SLC49A3: variants seen among roughly 807,000 people sequenced by gnomAD.
The protein encoded by SLC49A3 is solute carrier family 49 member A3.
A neutral mutation model predicts 43.8 loss-of-function variants in SLC49A3; 50 were observed. That is an observed-to-expected ratio of 1.14 (90% CI 0.91 to 1.45). The LOEUF (loss-of-function observed/expected upper bound fraction) is 1.45, where lower values mean the gene tolerates loss of function less well. Ranked by LOEUF, SLC49A3 falls within the 40% of genes most tolerant of loss-of-function variation. The pLI, the probability that SLC49A3 is intolerant of heterozygous loss-of-function variation, is 0.00. For missense variants in SLC49A3, 906 were observed against 774.1 expected, an observed-to-expected ratio of 1.17 and a Z score of -2.02; for synonymous variants, 413 against 352.0, an observed-to-expected ratio of 1.17 and a Z score of -1.94.
chr4:684,236 A>C (rs987300924), intron 6 of SLC49A3, among the ~76,000 whole-genome samples: 1 of 151,902 alleles, frequency 6.6e-6, no homozygotes, highest in Non-Finnish European at 1.5e-5. Context: ...CTTCCCATCC[A>C]CAGGGCACCG....
downstream of SLC49A3, chr4:681,206 G>A: frequency 6.5e-7 from 1 of 1,547,960 alleles, no homozygotes; most frequent in Non-Finnish European, 8.7e-7. Flanking sequence ...TCAGCTGGGT[G>A]GAGGGGGACG....
downstream of SLC49A3, chr4:678,268 A>G: frequency 2.1e-6 from 3 of 1,463,362 alleles, no homozygotes; most frequent in Non-Finnish European, 2.7e-6. Context: ...TCTCCTGGTG[A>G]GAGTCCGGAG....
chr4:678,621 C>T, downstream of SLC49A3: 1 of 1,576,824 alleles, frequency 6.3e-7, no homozygotes, highest in Non-Finnish European at 8.6e-7. Flanking sequence ...TTTCGTCAGC[C>T]AGCCCAGGAC....
Position 683,168 on chromosome 4 carries a change from G to A in SLC49A3, c.1151+42C>T, listed in dbSNP as rs376196229. ...CCAGGGGTGTAGGGGTGGAGCAAGGGGAGTATCTCTGGGGTTGCAGCAGGG... is the reference window on the plus strand; with the variant it reads ...CCAGGGGTGTAGGGGTGGAGCAAGGAGAGTATCTCTGGGGTTGCAGCAGGG... On this transcript the variant is annotated intron_variant, in intron 8 of 9. Transcript: ENST00000322224. 2.3e-5 allele frequency: 37 copies of A among 1,611,172 alleles called. No homozygotes were observed. The African/African-American group carries it at 4.0e-4, about 17-fold the overall frequency.
chr4:684,020 G>C (rs528486955), intron 6 of SLC49A3, among the ~76,000 whole-genome samples: 92 of 152,322 alleles, frequency 6.0e-4, no homozygotes, highest in East Asian at 9.7e-4. Flanking sequence ...GGTGCCTGTG[G>C]CCCTGGCAAA....
At chr4:680,342 C>T (rs1352753469), downstream of SLC49A3, among the ~76,000 whole-genome samples, 1 of 152,192 alleles carries the variant, frequency 6.6e-6, no homozygotes, top group Non-Finnish European at 1.5e-5. Flanking sequence ...GACAAGGCCT[C>T]CTTGGGGCTC....
chr4:684,584 C>T lies in SLC49A3; in HGVS notation c.739G>A (p.Ala247Thr), dbSNP rs1441489705. ...AAGCACACAGCCAGGATGACATAGGCCTTGTTCCACATGAGCTGCTGGGAA... is the reference window on the plus strand; with the variant it reads ...AAGCACACAGCCAGGATGACATAGGTCTTGTTCCACATGAGCTGCTGGGAA... ...DGLKLLMWNK[A>T]YVILAVCLGG... is the part of the protein sequence containing the mutation. The change falls in exon 6 of 10, where the codon GCC becomes ACC. Residue 247 changes from alanine to threonine, a missense_variant. By Grantham distance (58) the Ala-to-Thr change is moderately conservative. Coordinates refer to ENST00000322224, the MANE Select transcript of SLC49A3 (RefSeq NM_032219.4). 2 of 1,612,974 alleles carry T rather than the reference C, an allele frequency of 1.2e-6. No homozygotes were observed. Among genetic ancestry groups the T allele is most frequent in the Non-Finnish European group, 1.7e-6 (2 of 1,179,898 alleles).
At chr4:681,737 G>A (rs1313520042), downstream of SLC49A3, 11 of 679,702 alleles carry the variant, frequency 1.6e-5, no homozygotes, top group African/African-American at 1.1e-4. Flanking sequence ...CCCCTCCAGC[G>A]CCGCCCCGCC....
downstream of SLC49A3, chr4:677,009 C>T (rs907234761): frequency 8.0e-5 from 69 of 864,160 alleles, no homozygotes; most frequent in Non-Finnish European, 8.9e-5. Context: ...GCAAGTGGCA[C>T]CTGTCTTTTT....
chr4:678,111 G>A (rs1430879123), downstream of SLC49A3: 81 of 1,587,972 alleles, frequency 5.1e-5, no homozygotes, highest in East Asian at 4.6e-5. Context: ...ACAGACGAGC[G>A]TGGGCGTGTC....
Position 682,142 on chromosome 4 carries a change from T to G in SLC49A3, c.1496A>C (p.Glu499Ala), listed in dbSNP as rs1739839430. 4.5e-6 allele frequency: 6 copies of G among 1,342,646 alleles called. No individual in the cohort carries two copies. The highest frequency in any genetic ancestry group is 4.8e-6 in the Non-Finnish European group (5 of 1,035,608). The allele number at this position is 1,342,646 out of a possible 1,614,324, so 83.2% of individuals were successfully genotyped here. A position where few individuals can be genotyped will look rare whatever the true frequency, so the allele number is the denominator to read the frequency against. Residue 499 changes from glutamate (E) to alanine (A), a missense_variant, in exon 10 of 10, where the codon GAG becomes GCG. Transcript: ENST00000322224. Reference sequence around the variant, plus strand: ...GGGGCTCCCGGGCCCTCTGGGGTCCTCTAGCGAGGCCCCCCTCGCCGTGCA... The same window carrying G: ...GGGGCTCCCGGGCCCTCTGGGGTCCGCTAGCGAGGCCCCCCTCGCCGTGCA... ...PECTARGASLEDPRGPGSPHP... is the reference protein window; with the variant it reads ...PECTARGASLADPRGPGSPHP...
rs367921144 is a variant in SLC49A3 at position 686,486 on chromosome 4, C to T, written c.294+46G>A. The T allele has an allele frequency of 2.6e-5, 41 of 1,596,938 alleles. No homozygotes were observed. The African/African-American group carries it at 4.1e-4, about 16-fold the overall frequency. Reference sequence around the variant, plus strand: ...TGACTCTCCTACCCAAATGCGGGGGCCCCTGCACTGTCCCGGAGCGGGCCA... The same window carrying T: ...TGACTCTCCTACCCAAATGCGGGGGTCCCTGCACTGTCCCGGAGCGGGCCA... On this transcript the variant is annotated intron_variant, in intron 2 of 9. Coordinates refer to ENST00000322224, the MANE Select transcript of SLC49A3 (RefSeq NM_032219.4).
At position 686,609 on chromosome 4, in the gene SLC49A3, G is replaced by C; in HGVS notation, c.217C>G (p.Leu73Val). The C allele has an allele frequency of 6.2e-7, 1 of 1,613,348 alleles. No individual in the cohort carries two copies. The highest frequency in any genetic ancestry group is 8.5e-7 in the Non-Finnish European group (1 of 1,179,952). ...GGGGTGGATACCACGAGGTAGACCAGTGACAGCCAGTTGATCTGCTCCATG... is the reference window on the plus strand; with the variant it reads ...GGGGTGGATACCACGAGGTAGACCACTGACAGCCAGTTGATCTGCTCCATG... ...LSMEQINWLS[L>V]VYLVVSTPFG... The change falls in exon 2 of 10, where the codon CTG becomes GTG. Residue 73 changes from leucine (L) to valine (V), a missense_variant. Physicochemically the swap from Leu to Val is conservative, Grantham distance 32. Coordinates refer to ENST00000322224, the MANE Select transcript of SLC49A3 (RefSeq NM_032219.4).
In SLC49A3 at chr4:688,350, C is replaced by T. The variant is rs548850279; in HGVS notation, c.135+643G>A. On this transcript the variant is annotated intron_variant, in intron 1 of 9. Transcript: ENST00000322224. ...AGCCCTGACCCAGGCCTGAGAGTGA[C>T]TCCTGCCCCTGCCCCCGAGCTTCCT... 6.9e-4 allele frequency among the ~76,000 whole-genome samples: 105 copies of T among 152,314 alleles called. 1 individual carries two copies. Among genetic ancestry groups the T allele is most frequent in the African/African-American group, 2.3e-3 (97 of 41,568 alleles).
intron 6 of SLC49A3, among the ~76,000 whole-genome samples, chr4:684,109 G>A (rs1346247922): frequency 2.6e-5 from 4 of 152,208 alleles, no homozygotes; most frequent in African/African-American, 9.6e-5. Flanking sequence ...GGAGATATGC[G>A]AGCAGAGCAA....
At chr4:683,146 G>T in intron 8 of SLC49A3, 64 bp downstream of exon 8, 1 of 1,588,378 alleles carries the variant, frequency 6.3e-7, no homozygotes, top group South Asian at 1.1e-5. Flanking sequence ...TGCAACCCCA[G>T]GGGTGTAGGG....
chr4:688,698 T>A (rs1395376691), intron 1 of SLC49A3, among the ~76,000 whole-genome samples: 1 of 152,012 alleles, frequency 6.6e-6, no homozygotes, highest in East Asian at 1.9e-4. Flanking sequence ...GGGCCACCTG[T>A]ATGTGACTGG....
At chr4:688,642 T>G (rs1372838002) in intron 1 of SLC49A3, among the ~76,000 whole-genome samples, 1 of 152,142 alleles carries the variant, frequency 6.6e-6, no homozygotes, top group Admixed American at 6.5e-5. Flanking sequence ...GCTGTGTGCC[T>G]GCTGTCCTGG....
At chr4:678,986 A>G (rs1349958963), downstream of SLC49A3, 1 of 1,613,800 alleles carries the variant, frequency 6.2e-7, no homozygotes, top group Non-Finnish European at 8.5e-7. Context: ...CAGAACCGAG[A>G]TGGCTTCATT....
Sources: gnomAD v4.1 joint callset for allele counts (sites outside exome capture counted in the v4.1 genomes callset) on GRCh38, gnomAD v4.1.1 for gene constraint, MANE v1.5 for transcripts, NCBI Gene and HGNC (gene_info 2026-07-23, HGNC 2026-07-21) for gene names.